AXDND1: variants seen among roughly 807,000 people sequenced by gnomAD.
The protein encoded by AXDND1 is axonemal dynein light chain domain-containing protein 1.
In AXDND1, 110 loss-of-function variants were observed where a neutral mutation model predicts 137.5. That is an observed-to-expected ratio of 0.80 (90% CI 0.69 to 0.94). The LOEUF is 0.94. AXDND1 is among the 40% of genes least tolerant of loss of function. The pLI, the probability that AXDND1 is intolerant of heterozygous loss-of-function variation, is 0.00. For missense variants in AXDND1, 1,191 were observed against 1,169.8 expected (o/e 1.02, Z -0.26); for synonymous variants, 414 against 399.7 (o/e 1.04, Z -0.43).
intron 12 of AXDND1, among the ~76,000 whole-genome samples, chr1:179,418,711 G>C (rs1401155431): frequency 6.7e-6 from 1 of 150,300 alleles, no homozygotes; most frequent in Non-Finnish European, 1.5e-5. Context: ...CTGGCCGGGC[G>C]GGGGGCTGAC....
chr1:179,520,058 T>C (rs534617938), intron 21 of AXDND1, among the ~76,000 whole-genome samples: 7 of 152,348 alleles, frequency 4.6e-5, no homozygotes, highest in African/African-American at 1.4e-4. Flanking sequence ...TGTGATTTCT[T>C]TGAGCAGTGG....
chr1:179,366,265 A>G (rs1417707609), intron 1 of AXDND1, 139 bp from the exon 2 acceptor site: 2 of 321,402 alleles, frequency 6.2e-6, no homozygotes, highest in Admixed American at 9.1e-5. Flanking sequence ...CTTAGTCGCT[A>G]CACATAACCC....
chr1:179,529,225 G>C (rs961666814), intron 23 of AXDND1, among the ~76,000 whole-genome samples: 7 of 152,324 alleles, frequency 4.6e-5, no homozygotes, highest in South Asian at 2.1e-4. Context: ...CTAATTCCCT[G>C]AAGTGGTGGT....
chr1:179,518,964 C>G (rs549464802), intron 21 of AXDND1, among the ~76,000 whole-genome samples: 2 of 152,178 alleles, frequency 1.3e-5, no homozygotes, highest in East Asian at 3.9e-4. Context: ...AGAATCACCA[C>G]GCTGTCTTCC....
At chr1:179,462,965 G>A (rs1662578397) in intron 16 of AXDND1, among the ~76,000 whole-genome samples, 1 of 152,076 alleles carries the variant, frequency 6.6e-6, no homozygotes, top group African/African-American at 2.4e-5. Flanking sequence ...GATCAGTGGT[G>A]ATATCCCCTT....
intron 9 of AXDND1, among the ~76,000 whole-genome samples, chr1:179,386,458 G>A (rs1025706314): frequency 6.6e-6 from 1 of 151,842 alleles, no homozygotes; most frequent in Middle Eastern, 3.4e-3. Flanking sequence ...TTTGGTCTGT[G>A]GCTTTATAGT....
chr1:179,449,368 T>G (rs1170908581), intron 16 of AXDND1: 2 of 254,964 alleles, frequency 7.8e-6, no homozygotes, highest in African/African-American at 4.7e-5. Flanking sequence ...GTCTTAAGCC[T>G]ATTCTACTCA....
At chr1:179,394,125 G>A (rs1381706287) in intron 10 of AXDND1, 82 bp downstream of exon 10, 1 of 1,402,614 alleles carries the variant, frequency 7.1e-7, no homozygotes, top group Non-Finnish European at 9.5e-7. Flanking sequence ...TAGGGAAAGT[G>A]GAATGGTTAA....
intron 21 of AXDND1, among the ~76,000 whole-genome samples, chr1:179,515,543 A>G (rs1378667109): frequency 3.3e-5 from 5 of 152,128 alleles, no homozygotes; most frequent in South Asian, 2.1e-4. Flanking sequence ...CCTGATGACA[A>G]CGTGCCTAGG....
intron 18 of AXDND1, among the ~76,000 whole-genome samples, chr1:179,485,090 A>G (rs1007307161): frequency 6.6e-6 from 1 of 152,226 alleles, no homozygotes; most frequent in African/African-American, 2.4e-5. Flanking sequence ...GAACATGCAC[A>G]GGGACATTGG....
intron 11 of AXDND1, among the ~76,000 whole-genome samples, chr1:179,404,700 T>C (rs1267649060): frequency 2.0e-5 from 3 of 152,188 alleles, no homozygotes; most frequent in Admixed American, 2.0e-4. Flanking sequence ...ATCCATGATA[T>C]TGGTCTGTAG....
chr1:179,442,945 G>T (rs759078631), intron 15 of AXDND1, among the ~76,000 whole-genome samples: 4 of 152,180 alleles, frequency 2.6e-5, no homozygotes, highest in African/African-American at 9.7e-5. Context: ...AGGGCCCTGA[G>T]CTTTACACAG....
At chr1:179,433,027 G>A (rs1245918805) in intron 15 of AXDND1, among the ~76,000 whole-genome samples, 2 of 152,054 alleles carry the variant, frequency 1.3e-5, no homozygotes, top group Non-Finnish European at 2.9e-5. Context: ...AATTAAGTTA[G>A]GCTGCTAGAA....
chr1:179,432,758 G>A (rs1371396183), intron 15 of AXDND1, among the ~76,000 whole-genome samples: 1 of 152,020 alleles, frequency 6.6e-6, no homozygotes, highest in African/African-American at 2.4e-5. Flanking sequence ...CATATTAGGG[G>A]CCGGGCACGG....
At chr1:179,397,533 C>G (rs558208406) in intron 11 of AXDND1, among the ~76,000 whole-genome samples, 61 of 152,286 alleles carry the variant, frequency 4.0e-4, no homozygotes, top group African/African-American at 1.5e-3. Flanking sequence ...GTTGGTCTCT[C>G]TACCTACGTT....
At chr1:179,387,867 C>T (rs1649482233) in intron 9 of AXDND1, among the ~76,000 whole-genome samples, 1 of 152,136 alleles carries the variant, frequency 6.6e-6, no homozygotes, top group African/African-American at 2.4e-5. Flanking sequence ...TAGTTCTTTC[C>T]TTGGTCTTGG....
intron 21 of AXDND1, among the ~76,000 whole-genome samples, chr1:179,510,758 T>C (rs1173006687): frequency 1.3e-5 from 2 of 152,100 alleles, no homozygotes; most frequent in African/African-American, 2.4e-5. Context: ...ATTTTTTATT[T>C]TTCCATAGGT....
At chr1:179,523,458 A>G (rs936078382) in intron 21 of AXDND1, among the ~76,000 whole-genome samples, 2 of 152,180 alleles carry the variant, frequency 1.3e-5, no homozygotes, top group African/African-American at 2.4e-5. Flanking sequence ...AAAGTTGTAC[A>G]GTGATAATCA....
At chr1:179,462,084 T>G (rs1324255276) in intron 16 of AXDND1, among the ~76,000 whole-genome samples, 1 of 152,174 alleles carries the variant, frequency 6.6e-6, no homozygotes. Flanking sequence ...AACATTATGT[T>G]GAATAGGAGT....
Sources: allele counts gnomAD v4.1 joint callset (sites outside exome capture counted in the v4.1 genomes callset), GRCh38; gene constraint gnomAD v4.1.1; transcripts MANE v1.5; gene names NCBI Gene and HGNC (gene_info 2026-07-23, HGNC 2026-07-21).